Variants in POFUT3 observed in about 807,000 individuals in gnomAD.
POFUT3 encodes GDP-fucose protein O-fucosyltransferase 3.
chr8:33,356,343 A>G, the POFUT3 span, among the ~76,000 whole-genome samples: 5 of 151,888 alleles, frequency 3.3e-5, no homozygotes, highest in African/African-American at 7.3e-5. Context: ...GTTGTTTCCT[A>G]ACTTTTTAAT....
At chr8:33,380,048 TACAC>T in the POFUT3 span, among the ~76,000 whole-genome samples, 1 of 79,894 alleles carries the variant, frequency 1.3e-5, no homozygotes, top group African/African-American at 6.5e-5. Flanking sequence ...ACGATATATA[TACAC>T]TATATATATA....
chr8:33,438,085 CG>C, the POFUT3 span, among the ~76,000 whole-genome samples: 2 of 152,112 alleles, frequency 1.3e-5, no homozygotes, highest in South Asian at 2.1e-4. Context: ...AATTTACTGA[CG>C]TTTTTATACC....
the POFUT3 span, among the ~76,000 whole-genome samples, chr8:33,386,529 C>T: frequency 1.4e-4 from 21 of 152,056 alleles, 1 homozygote; most frequent in South Asian, 3.9e-3. Context: ...GCTATTTACC[C>T]GCTGGGCGCT....
chr8:33,449,577 G>A, the POFUT3 span, among the ~76,000 whole-genome samples: 77 of 151,698 alleles, frequency 5.1e-4, 2 homozygotes, highest in East Asian at 0.012. Flanking sequence ...GGCGTGAGCC[G>A]CCGCGTCTGG....
chr8:33,323,803 C>T, the POFUT3 span, among the ~76,000 whole-genome samples: 102 of 152,288 alleles, frequency 6.7e-4, no homozygotes, highest in Non-Finnish European at 3.2e-4. Context: ...AGCCTAGGCA[C>T]GTGCTGCCTT....
At chr8:33,342,713 G>A in the POFUT3 span, among the ~76,000 whole-genome samples, 5 of 152,202 alleles carry the variant, frequency 3.3e-5, no homozygotes, top group African/African-American at 9.7e-5. Context: ...ATTGTTAGTA[G>A]GAATGTTACA....
At chr8:33,311,109 C>A in the POFUT3 span, among the ~76,000 whole-genome samples, 1 of 152,144 alleles carries the variant, frequency 6.6e-6, no homozygotes, top group Non-Finnish European at 1.5e-5. Flanking sequence ...TTTGCAGAAA[C>A]CTCAAGCAAG....
the POFUT3 span, among the ~76,000 whole-genome samples, chr8:33,327,771 C>A: frequency 6.6e-6 from 1 of 152,180 alleles, no homozygotes; most frequent in African/African-American, 2.4e-5. Context: ...GCACATTTTT[C>A]ATGCCCTGAT....
the POFUT3 span, among the ~76,000 whole-genome samples, chr8:33,387,501 G>A: frequency 2.0e-5 from 3 of 152,062 alleles, no homozygotes; most frequent in African/African-American, 7.2e-5. Context: ...AAAGTTGTTG[G>A]CCTTCGGAAA....
chr8:33,324,368 C>G, the POFUT3 span, among the ~76,000 whole-genome samples: 2 of 152,010 alleles, frequency 1.3e-5, no homozygotes, highest in East Asian at 3.9e-4. Context: ...GGGTCTGCCT[C>G]GATATTGTAA....
the POFUT3 span, among the ~76,000 whole-genome samples, chr8:33,444,931 A>ATTT: frequency 2.5e-5 from 2 of 79,212 alleles, no homozygotes; most frequent in Admixed American, 1.2e-4. Flanking sequence ...TATGACCTTC[A>ATTT]TCTTTTTTTT....
At chr8:33,469,122 A>G in the POFUT3 span, among the ~76,000 whole-genome samples, 8 of 152,294 alleles carry the variant, frequency 5.3e-5, no homozygotes, top group Admixed American at 1.3e-4. Context: ...CCTGGCCAAC[A>G]TGACAAAACC....
the POFUT3 span, among the ~76,000 whole-genome samples, chr8:33,448,161 G>A: frequency 5.3e-5 from 8 of 152,090 alleles, no homozygotes; most frequent in African/African-American, 1.9e-4. Context: ...ACAACATTAT[G>A]AGACCCCCGT....
At chr8:33,472,714 G>A in the POFUT3 span, among the ~76,000 whole-genome samples, 8 of 152,198 alleles carry the variant, frequency 5.3e-5, no homozygotes, top group African/African-American at 1.9e-4. Flanking sequence ...GGCCGATCGG[G>A]GCAGGCGGGG....
the POFUT3 span, among the ~76,000 whole-genome samples, chr8:33,364,690 A>G: frequency 6.6e-6 from 1 of 152,216 alleles, no homozygotes; most frequent in Non-Finnish European, 1.5e-5. Flanking sequence ...TAAAATACCT[A>G]GGAATCCAAC....
At chr8:33,319,159 TTACATATATTTATATATTA>T in the POFUT3 span, among the ~76,000 whole-genome samples, 1 of 534 alleles carries the variant, frequency 1.9e-3, no homozygotes, top group Non-Finnish European at 3.5e-3. Context: ...TAAATATATT[TTACATATATTTATATATTA>T]TATAAAATAT....
At chr8:33,435,547 T>C in the POFUT3 span, among the ~76,000 whole-genome samples, 1 of 151,650 alleles carries the variant, frequency 6.6e-6, no homozygotes, top group Admixed American at 6.6e-5. Flanking sequence ...GACAGAGTCT[T>C]ACTCTGTCAC....
the POFUT3 span, among the ~76,000 whole-genome samples, chr8:33,445,468 T>C: frequency 2.0e-5 from 3 of 152,274 alleles, no homozygotes; most frequent in East Asian, 3.9e-4. Flanking sequence ...GAATGGGTCA[T>C]AGATATGTCA....
At chr8:33,374,678 G>C in the POFUT3 span, among the ~76,000 whole-genome samples, 1 of 152,190 alleles carries the variant, frequency 6.6e-6, no homozygotes, top group Non-Finnish European at 1.5e-5. Flanking sequence ...GGGGAAGCCA[G>C]GGAAAAGGCA....
Sources: gnomAD v4.1 joint callset for allele counts (sites outside exome capture counted in the v4.1 genomes callset) on GRCh38, gnomAD v4.1.1 for gene constraint, MANE v1.5 for transcripts, NCBI Gene and HGNC (gene_info 2026-07-23, HGNC 2026-07-21) for gene names.